The following GNG12 variants were observed in gnomAD, a reference collection of about 807,000 sequenced individuals.
GNG12 encodes the protein G protein subunit gamma 12.
For missense variants in GNG12, 69 were observed against 83.8 expected (o/e 0.82, Z 0.69); for synonymous variants, 28 against 29.7 (o/e 0.94, Z 0.19).
At chr1:67,730,404 G>A (rs1646412066) in intron 2 of GNG12, among the ~76,000 whole-genome samples, 1 of 152,180 alleles carries the variant, frequency 6.6e-6, no homozygotes, top group African/African-American at 2.4e-5. Flanking sequence ...GGGAGGCTGA[G>A]GCATGAGAAA....
At chr1:67,794,409 G>A (rs1646818223) in intron 1 of GNG12, among the ~76,000 whole-genome samples, 1 of 152,178 alleles carries the variant, frequency 6.6e-6, no homozygotes, top group South Asian at 2.1e-4. Context: ...TGTGATCCAT[G>A]CCTCCTTGAT....
rs1224265070 is a variant in GNG12, at chr1:67,710,221, T to C, written c.-26-2509A>G. On this transcript the variant is annotated intron_variant, in intron 2 of 3. Transcript: ENST00000370982. ...ATATATATAGTTATATATATAGTTA[T>C]ATATATATAGTTATATATATAGTTA... Among the ~76,000 whole-genome samples, 24 of 101,786 alleles carry C rather than the reference T, an allele frequency of 2.4e-4. 1 individual carries two copies. The highest frequency in any genetic ancestry group is 4.2e-3 in the Middle Eastern group (1 of 238). 66.8% of individuals were successfully genotyped at this position (101,786 alleles called of 152,430 possible).
chr1:67,796,694 G>C (rs951661892), intron 1 of GNG12, among the ~76,000 whole-genome samples: 1 of 152,140 alleles, frequency 6.6e-6, no homozygotes, highest in Admixed American at 6.5e-5. Context: ...GATAGGTAAA[G>C]TCAATTACTT....
intron 1 of GNG12, among the ~76,000 whole-genome samples, chr1:67,819,251 G>C (rs1317977308): frequency 6.6e-6 from 1 of 152,104 alleles, no homozygotes; most frequent in East Asian, 1.9e-4. Context: ...TTAGCAACCT[G>C]GGTGGATGGA....
At chr1:67,787,069 G>GTGTGTATA (rs766685047) in intron 1 of GNG12, among the ~76,000 whole-genome samples, 3 of 145,710 alleles carry the variant, frequency 2.1e-5, no homozygotes, top group African/African-American at 8.0e-5. Context: ...GTGTGTGTGT[G>GTGTGTATA]TATAGTCCCC....
At chr1:67,760,876 A>C (rs563646076) in intron 2 of GNG12, among the ~76,000 whole-genome samples, 1 of 152,336 alleles carries the variant, frequency 6.6e-6, no homozygotes, top group East Asian at 1.9e-4. Flanking sequence ...AATATGTATT[A>C]AGGACTCTGC....
chr1:67,713,194 GCCA>G (rs1646306423), intron 2 of GNG12, among the ~76,000 whole-genome samples: 1 of 152,198 alleles, frequency 6.6e-6, no homozygotes, highest in African/African-American at 2.4e-5. Context: ...CAGATCTTGA[GCCA>G]CCAAGTATTC....
chr1:67,726,786 G>A (rs891276463), intron 2 of GNG12, among the ~76,000 whole-genome samples: 1 of 152,184 alleles, frequency 6.6e-6, no homozygotes, highest in Non-Finnish European at 1.5e-5. Flanking sequence ...CTCTACTTAA[G>A]TTCCCAAAGT....
At chr1:67,741,411 T>C (rs1646482197) in intron 2 of GNG12, among the ~76,000 whole-genome samples, 1 of 152,214 alleles carries the variant, frequency 6.6e-6, no homozygotes. Flanking sequence ...GCACTGACCC[T>C]GGAAGAAAGT....
chr1:67,814,341 G>A (rs966767453), intron 1 of GNG12, among the ~76,000 whole-genome samples: 10 of 152,076 alleles, frequency 6.6e-5, no homozygotes, highest in African/African-American at 2.4e-4. Flanking sequence ...AACTTCTTCC[G>A]CATTGTTTTC....
At chr1:67,707,427 C>A (rs1646255885) in intron 3 of GNG12, among the ~76,000 whole-genome samples, 167 bp downstream of exon 3, 1 of 152,130 alleles carries the variant, frequency 6.6e-6, no homozygotes, top group South Asian at 2.1e-4. Context: ...GAGGCCCATG[C>A]TATATAGGAA....
intron 1 of GNG12, among the ~76,000 whole-genome samples, chr1:67,813,186 A>T (rs940716678): frequency 1.3e-5 from 2 of 152,000 alleles, no homozygotes; most frequent in Admixed American, 1.3e-4. Context: ...TTCCCGTAGA[A>T]ATGCAGTTGC....
intron 1 of GNG12, among the ~76,000 whole-genome samples, chr1:67,815,352 T>A (rs998474811): frequency 6.6e-6 from 1 of 152,200 alleles, no homozygotes; most frequent in Non-Finnish European, 1.5e-5. Context: ...ATAGCCTACA[T>A]ACACCTCTTG....
chr1:67,810,883 A>C (rs1295002434), intron 1 of GNG12, among the ~76,000 whole-genome samples: 2 of 152,210 alleles, frequency 1.3e-5, no homozygotes, highest in Non-Finnish European at 1.5e-5. Flanking sequence ...ATACTCTAAA[A>C]GGTTTTTAGC....
intron 2 of GNG12, among the ~76,000 whole-genome samples, chr1:67,760,271 C>T (rs1043711269): frequency 6.6e-6 from 1 of 152,194 alleles, no homozygotes; most frequent in African/African-American, 2.4e-5. Context: ...AAATCCTGGG[C>T]AACTCCCTGA....
intron 2 of GNG12, among the ~76,000 whole-genome samples, chr1:67,708,442 C>T (rs1016727243): frequency 7.9e-5 from 12 of 152,288 alleles, no homozygotes; most frequent in Middle Eastern, 3.4e-3. Context: ...CTGGTCTCAT[C>T]GTGATGGTCT....
At chr1:67,710,140 A>ATATATATAGT (rs1557592317) in intron 2 of GNG12, among the ~76,000 whole-genome samples, 12 of 6,036 alleles carry the variant, frequency 2.0e-3, no homozygotes, top group African/African-American at 5.2e-3. Flanking sequence ...ATATATAGTT[A>ATATATATAGT]TATATATATA....
intron 2 of GNG12, among the ~76,000 whole-genome samples, chr1:67,750,458 G>A (rs570291970): frequency 2.6e-5 from 4 of 152,138 alleles, no homozygotes; most frequent in Middle Eastern, 3.2e-3. Context: ...CGAGGTGCAC[G>A]CTTTTTGAGG....
chr1:67,715,596 T>A (rs1177627148), intron 2 of GNG12, among the ~76,000 whole-genome samples: 2 of 152,178 alleles, frequency 1.3e-5, no homozygotes, highest in African/African-American at 4.8e-5. Context: ...AGAAGCTGCA[T>A]GGCTGCAGCA....
Sources: gnomAD v4.1 joint callset for allele counts (sites outside exome capture counted in the v4.1 genomes callset) on GRCh38, gnomAD v4.1.1 for gene constraint, MANE v1.5 for transcripts, NCBI Gene and HGNC (gene_info 2026-07-23, HGNC 2026-07-21) for gene names.